The following KLHL26 variants were observed in gnomAD, a reference collection of about 807,000 sequenced individuals.
KLHL26 encodes kelch-like protein 26.
KLHL26 carries 4 observed loss-of-function variants against 7.1 expected under a neutral mutation model. The ratio of observed to expected loss-of-function variants is 0.56; its 90% CI spans 0.28 to 1.28. The LOEUF (loss-of-function observed/expected upper bound fraction) is 1.28. Ranked by LOEUF, KLHL26 falls within the 50% of genes most tolerant of loss-of-function variation. The probability of loss-of-function intolerance (pLI) is 0.11; values close to 1 mark genes in which losing one functional copy is unlikely to be tolerated. For synonymous variants in KLHL26, 465 were observed against 414.1 expected (o/e 1.12, Z -1.49); for missense variants, 896 against 924.6 (o/e 0.97, Z 0.40).
At chr19:18,661,510 T>C (rs1432889795) in intron 1 of KLHL26, among the ~76,000 whole-genome samples, 1 of 152,182 alleles carries the variant, frequency 6.6e-6, no homozygotes, top group East Asian at 1.9e-4. Flanking sequence ...GTGTGCACTC[T>C]GCCTCTTCCT....
Position 18,637,376 on chromosome 19 carries a change from C to T in KLHL26, c.83+239C>T, listed in dbSNP as rs914123318. On this transcript the variant is annotated intron_variant, in intron 1 of 2. Coordinates refer to ENST00000300976, the MANE Select transcript of KLHL26 (RefSeq NM_018316.3). ...GGCGTCTGCAGGCGGCCCTAGGGAC[C>T]TGAGAATCCTGGGGGTCTGAAGGGA... Among the ~76,000 whole-genome samples the T allele has an allele frequency of 5.9e-5, 9 of 152,082 alleles. 1 individual carries two copies. The highest frequency in any genetic ancestry group is 5.2e-4 in the Admixed American group (8 of 15,278).
chr19:18,667,946 G>C lies in KLHL26; in HGVS notation c.549G>C (p.Ser183=), dbSNP rs912978756. 6.2e-7 allele frequency: 1 copy of C among 1,610,132 alleles called. No homozygotes were observed. Among genetic ancestry groups the C allele is most frequent in the African/African-American group, 1.3e-5 (1 of 75,062 alleles). The part of the protein sequence containing the change: ...TTFSLASLRE[S]VDAFTFRHFL... ...TCAGCCTGGCCTCGCTGCGAGAGTC[G>C]GTGGATGCCTTCACCTTCCGGCACT... Residue 183 remains serine, a synonymous_variant, in exon 3 of 3, where the codon TCG becomes TCC. Transcript: ENST00000300976.
At position 18,647,978 on chromosome 19, in the gene KLHL26, T is replaced by TA. The variant is rs148248138; in HGVS notation, c.83+10842dup. ...GGGGCGCATACATGCCAGCAGGAGT[T>TA]AGAGAACGTCGTGCGGTCATTTCCG... On this transcript the variant is annotated intron_variant, in intron 1 of 2. Coordinates refer to ENST00000300976, the MANE Select transcript of KLHL26 (RefSeq NM_018316.3). Among the ~76,000 whole-genome samples, 492 of 152,238 alleles carry TA rather than the reference T, an allele frequency of 3.2e-3. 5 individuals are homozygous for TA. Among genetic ancestry groups the TA allele is most frequent in the African/African-American group, 0.011 (469 of 41,562 alleles).
chr19:18,637,093 C>A lies in KLHL26; in HGVS notation c.39C>A (p.Gly13=). 1 of 1,382,752 alleles carries A rather than the reference C, an allele frequency of 7.2e-7. No individual in the cohort carries two copies. The highest frequency in any genetic ancestry group is 9.4e-7 in the Non-Finnish European group (1 of 1,067,510). The allele number at this position is 1,382,752 out of a possible 1,614,324, so 85.7% of individuals were successfully genotyped here. A position where few individuals can be genotyped will look rare whatever the true frequency, so the allele number is the denominator to read the frequency against. The change falls in exon 1 of 3, where the codon GGC becomes GGA. Residue 13 remains glycine (G), a synonymous_variant. Transcript: ENST00000300976. ...ESGGSSGGAG[G]GGAFGAGPGP... ...GCGGTAGCAGCGGTGGTGCTGGTGG[C>A]GGCGGCGCTTTCGGCGCGGGCCCGG...
chr19:18,639,158 C>T (rs1424560773), intron 1 of KLHL26, among the ~76,000 whole-genome samples: 3 of 152,146 alleles, frequency 2.0e-5, no homozygotes, highest in African/African-American at 4.8e-5. Context: ...TCACTGCAAC[C>T]TCTGCCTTCC....
Position 18,664,432 on chromosome 19 carries a change from C to T in KLHL26, c.255C>T (p.Ser85=), listed in dbSNP as rs754937603. 7.3e-5 allele frequency: 115 copies of T among 1,583,792 alleles called. No homozygotes were observed. Among genetic ancestry groups the T allele is most frequent in the Middle Eastern group, 1.7e-4 (1 of 6,002 alleles). ...PAHKVVLAAC[S]DYFRAMFTGG... ...ACAAGGTCGTCCTGGCTGCCTGCAG[C>T]GACTACTTCAGGTAAGTGCTGGCCC... The change falls in exon 2 of 3, where the codon AGC becomes AGT. Residue 85 remains serine, a synonymous_variant. Transcript: ENST00000300976.
intron 1 of KLHL26, among the ~76,000 whole-genome samples, chr19:18,640,003 T>C (rs1450945420): frequency 6.6e-6 from 1 of 151,722 alleles, no homozygotes; most frequent in Non-Finnish European, 1.5e-5. Flanking sequence ...TTTGTTCTTT[T>C]TCACTGTGGA....
rs779277212 is a variant in KLHL26, at chr19:18,667,735, G to A, written c.338G>A (p.Gly113Asp). The change falls in exon 3 of 3, where the codon GGC (glycine) becomes GAC (aspartate). Residue 113 changes from glycine (G) to aspartate (D), a missense_variant. Gly to Asp is a moderately conservative substitution (Grantham distance 94). Coordinates refer to ENST00000300976, the MANE Select transcript of KLHL26 (RefSeq NM_018316.3). ...GAGCTGAAGGGCGTGTCGGCCCGTG[G>A]CCTGCGGCACATCATCGACTTCGCC... is the stretch of plus-strand genomic sequence containing the variant. ...VIELKGVSAR[G>D]LRHIIDFAYS... 1 of 1,613,216 alleles carries A rather than the reference G, an allele frequency of 6.2e-7. No homozygotes were observed.
At chr19:18,651,860 T>G (rs1289724423) in intron 1 of KLHL26, among the ~76,000 whole-genome samples, 1 of 152,258 alleles carries the variant, frequency 6.6e-6, no homozygotes, top group Non-Finnish European at 1.5e-5. Flanking sequence ...CTCATTCAAG[T>G]GGTCCCTGCT....
chr19:18,664,226 T>C (rs1247241683), intron 1 of KLHL26, 35 bp from the exon 2 acceptor site: 5 of 1,559,974 alleles, frequency 3.2e-6, no homozygotes, highest in African/African-American at 1.4e-5. Flanking sequence ...TGTGTGAACC[T>C]CTGGGCCATG....
chr19:18,664,061 C>A (rs2052418782), intron 1 of KLHL26, among the ~76,000 whole-genome samples, 200 bp from the exon 2 acceptor site: 1 of 151,974 alleles, frequency 6.6e-6, no homozygotes, highest in South Asian at 2.1e-4. Context: ...GCAGTCACTC[C>A]CCCCTCCCCT....
rs1368224774 is a variant in KLHL26 at position 18,667,820 on chromosome 19, G to A, written c.423G>A (p.Val141=). The change falls in exon 3 of 3, where the codon GTG becomes GTA. Residue 141 remains valine (V), a synonymous_variant. Coordinates refer to ENST00000300976, the MANE Select transcript of KLHL26 (RefSeq NM_018316.3). ...TGCAGGACGTGCTGGGCGCGGCCGT[G>A]TTCTTGCAGATGCTGCCCGTGGTGG... ...DCVQDVLGAA[V]FLQMLPVVEL... 6 of 1,613,224 alleles carry A rather than the reference G, an allele frequency of 3.7e-6. No individual in the cohort carries two copies. The African/African-American group carries it at 8.0e-5, about 22-fold the overall frequency.
chr19:18,655,660 T>G (rs1027402090), intron 1 of KLHL26, among the ~76,000 whole-genome samples: 2 of 124,938 alleles, frequency 1.6e-5, no homozygotes, highest in Admixed American at 7.6e-5. Context: ...CATTGTCATC[T>G]GGACATGGAG....
At chr19:18,658,261 G>C (rs1250796709) in intron 1 of KLHL26, among the ~76,000 whole-genome samples, 1 of 152,120 alleles carries the variant, frequency 6.6e-6, no homozygotes, top group Non-Finnish European at 1.5e-5. Flanking sequence ...TGGGTGGGAA[G>C]GGTCATGAGA....
chr19:18,651,461 G>A (rs2145385390), intron 1 of KLHL26, among the ~76,000 whole-genome samples: 1 of 152,364 alleles, frequency 6.6e-6, no homozygotes, highest in South Asian at 2.1e-4. Flanking sequence ...GCTGAGCATA[G>A]AGAAGAGGAG....
chr19:18,644,386 A>G, intron 1 of KLHL26, among the ~76,000 whole-genome samples: 1 of 152,164 alleles, frequency 6.6e-6, no homozygotes, highest in Middle Eastern at 3.2e-3. Context: ...TTTTGTCTAA[A>G]CACTCATGTT....
intron 1 of KLHL26, among the ~76,000 whole-genome samples, chr19:18,638,567 A>G (rs950344781): frequency 1.3e-5 from 2 of 152,190 alleles, no homozygotes; most frequent in Non-Finnish European, 2.9e-5. Flanking sequence ...TTTCAGAGAT[A>G]TTCAGGGAGT....
chr19:18,669,038 C>T lies in KLHL26; in HGVS notation c.1641C>T (p.Ala547=), dbSNP rs779049187. 7 of 1,612,618 alleles carry T rather than the reference C, an allele frequency of 4.3e-6. No individual in the cohort carries two copies. The highest frequency in any genetic ancestry group is 4.2e-6 in the Non-Finnish European group (5 of 1,179,908). ...DQWTSVSPMR[A]GQSEAGCCLL... ...GGACCAGCGTGAGCCCCATGCGGGC[C>T]GGCCAGTCAGAGGCCGGCTGCTGCC... Residue 547 remains alanine, a synonymous_variant, in exon 3 of 3, where the codon GCC becomes GCT. Transcript: ENST00000300976.
Position 18,646,116 on chromosome 19 carries a change from C to T in KLHL26, c.83+8979C>T, listed in dbSNP as rs2145376415. Among the ~76,000 whole-genome samples, 1 of 152,120 alleles carries T rather than the reference C, an allele frequency of 6.6e-6. No homozygotes were observed. The highest frequency in any genetic ancestry group is 1.9e-4 in the East Asian group (1 of 5,174). ...AGTTCTCATTCCTTTGGCCTCTTGC[C>T]CCTTTCTTTTTTATTATTATTAATT... On this transcript the variant is annotated intron_variant, in intron 1 of 2. Coordinates refer to ENST00000300976, the MANE Select transcript of KLHL26 (RefSeq NM_018316.3). This position sits in a 1 kb window ranked among gnomAD's most constrained non-coding sequence, Gnocchi z 5.0.
Sources: allele counts gnomAD v4.1 joint callset (sites outside exome capture counted in the v4.1 genomes callset), GRCh38; gene constraint gnomAD v4.1.1; non-coding constraint Gnocchi (gnomAD v3.1); transcripts MANE v1.5; gene names NCBI Gene and HGNC (gene_info 2026-07-23, HGNC 2026-07-21).